The following CYFIP2 variants were observed in gnomAD, a reference collection of about 807,000 sequenced individuals.
The protein encoded by CYFIP2 is cytoplasmic FMR1 interacting protein 2.
A neutral mutation model predicts 158.7 loss-of-function variants in CYFIP2; 29 were observed. That is an observed-to-expected ratio of 0.18 (90% CI 0.14 to 0.25). The LOEUF (loss-of-function observed/expected upper bound fraction) is 0.25. Ranked by LOEUF, CYFIP2 falls within the 10% of genes least tolerant of loss-of-function variation. The probability of loss-of-function intolerance (pLI) is 1.00; values close to 1 mark genes in which losing one functional copy is unlikely to be tolerated. For missense variants in CYFIP2, 852 were observed against 1,639.5 expected (o/e 0.52, Z 8.29); for synonymous variants, 585 against 617.6 (o/e 0.95, Z 0.78).
intron 11 of CYFIP2, among the ~76,000 whole-genome samples, chr5:157,312,393 G>A (rs575875549): frequency 2.0e-5 from 3 of 151,128 alleles, no homozygotes; most frequent in Non-Finnish European, 4.4e-5. Context: ...ATAAGCGAAA[G>A]GAGAGAAAAT....
intron 9 of CYFIP2, 136 bp downstream of exon 9, chr5:157,308,001 T>G (rs1208709671): frequency 1.7e-6 from 1 of 598,782 alleles, no homozygotes; most frequent in African/African-American, 1.9e-5. Context: ...ATCCCAAGAG[T>G]AGGAAGAGGA....
Position 157,356,793 on chromosome 5 carries a change from C to G in CYFIP2, c.2674-2212C>G, listed in dbSNP as rs1350943033. On this transcript the variant is annotated intron_variant, in intron 23 of 30. Transcript: ENST00000620254. ...CCTCAGTCACCTCAACCTAGTAGTC[C>G]TGGCCCCATTTGACAGGGTGGCCTG... Among the ~76,000 whole-genome samples, 3 of 152,208 alleles carry G rather than the reference C, an allele frequency of 2.0e-5. No homozygotes were observed. The East Asian group carries it at 5.8e-4, about 29-fold the overall frequency.
chr5:157,287,458 G>A (rs1261728715), intron 3 of CYFIP2, among the ~76,000 whole-genome samples: 1 of 152,164 alleles, frequency 6.6e-6, no homozygotes, highest in Admixed American at 6.5e-5. Context: ...CTCTTGAGCA[G>A]AGCAAAAGGT....
intron 1 of CYFIP2, among the ~76,000 whole-genome samples, chr5:157,272,594 C>T (rs1217154655): frequency 2.0e-5 from 3 of 152,126 alleles, no homozygotes; most frequent in African/African-American, 7.2e-5. Context: ...TGCTGTTTCT[C>T]GATTTATCTA....
In CYFIP2 at chr5:157,339,074, G is replaced by A. The variant is rs1762063737; in HGVS notation, c.2403G>A (p.Leu801=). 6.8e-6 allele frequency: 11 copies of A among 1,611,614 alleles called. No individual in the cohort carries two copies. Among genetic ancestry groups the A allele is most frequent in the African/African-American group, 1.3e-5 (1 of 74,990 alleles). The stretch of plus-strand genomic sequence containing the variant: ...CTGTACAGGAGCTGGAGTGGCTGCT[G>A]GAGATTAACCGGCTCACGCATCGGC... ...LTSIVELEWL[L]EINRLTHRLL... is the part of the protein sequence containing the mutation. Residue 801 remains leucine (L), a synonymous_variant, in exon 22 of 31, where the codon CTG becomes CTA. Transcript: ENST00000620254.
intron 7 of CYFIP2, 163 bp downstream of exon 7, chr5:157,303,053 C>G (rs1758910358): frequency 3.4e-6 from 2 of 589,978 alleles, no homozygotes; most frequent in Admixed American, 6.5e-5. Context: ...TTAAGTCTGT[C>G]CTCCCAACCC....
At chr5:157,359,258 G>T in intron 24 of CYFIP2, 110 bp downstream of exon 24, 1 of 1,281,716 alleles carries the variant, frequency 7.8e-7, no homozygotes, top group Non-Finnish European at 1.1e-6. Context: ...AGGCACTGCA[G>T]CTCTACCTGT....
intron 6 of CYFIP2, among the ~76,000 whole-genome samples, chr5:157,302,329 C>T (rs559150505): frequency 6.6e-6 from 1 of 152,312 alleles, no homozygotes; most frequent in East Asian, 1.9e-4. Flanking sequence ...TTCTGTTTTC[C>T]ATACAATGCT....
Position 157,361,702 on chromosome 5 carries a change from C to G in CYFIP2, c.3039+104C>G. On this transcript the variant is annotated intron_variant, in intron 26 of 30. Transcript: ENST00000620254. This position sits in a 1 kb window ranked among gnomAD's most constrained non-coding sequence, Gnocchi z 4.4. ...GCAGCATTGATTTGTGCTTTGAGTA[C>G]AAGCTCACATGCTCTTTTCAGTTCA... 7.2e-7 allele frequency: 1 copy of G among 1,391,932 alleles called. No homozygotes were observed. Among genetic ancestry groups the G allele is most frequent in the Non-Finnish European group, 9.9e-7 (1 of 1,013,064 alleles). The allele number at this position is 1,391,932 out of a possible 1,614,324, so 86.2% of individuals were successfully genotyped here.
intron 26 of CYFIP2, among the ~76,000 whole-genome samples, chr5:157,378,619 T>C (rs1765717318): frequency 6.6e-6 from 1 of 152,216 alleles, no homozygotes; most frequent in Non-Finnish European, 1.5e-5. Flanking sequence ...ATGTCAGCCT[T>C]ACTGCTTATT....
intron 28 of CYFIP2, 30 bp downstream of exon 28, chr5:157,383,389 G>A: frequency 6.3e-7 from 1 of 1,588,472 alleles, no homozygotes; most frequent in Non-Finnish European, 8.6e-7. Context: ...AATGGGCTCT[G>A]ATCACTGACA....
intron 23 of CYFIP2, among the ~76,000 whole-genome samples, chr5:157,347,285 T>C (rs1258939862): frequency 1.4e-5 from 2 of 143,542 alleles, no homozygotes; most frequent in Non-Finnish European, 3.0e-5. Context: ...CTGGGTATTA[T>C]AGAAAGACTT....
At chr5:157,292,733 TA>T (rs2113863662) in intron 3 of CYFIP2, among the ~76,000 whole-genome samples, 1 of 152,284 alleles carries the variant, frequency 6.6e-6, no homozygotes, top group African/African-American at 2.4e-5. Flanking sequence ...TGTGTGGACA[TA>T]TGTTTTCAGT....
intron 6 of CYFIP2, among the ~76,000 whole-genome samples, chr5:157,301,340 T>G (rs1276486924): frequency 1.3e-5 from 2 of 152,198 alleles, no homozygotes; most frequent in Non-Finnish European, 2.9e-5. Context: ...GATGACAATG[T>G]TAGCCTGAGT....
chr5:157,337,966 G>A (rs185462163), intron 21 of CYFIP2, among the ~76,000 whole-genome samples: 33 of 152,278 alleles, frequency 2.2e-4, no homozygotes, highest in African/African-American at 7.7e-4. Flanking sequence ...AACCTTCAGG[G>A]CCTCAATTTC....
intron 23 of CYFIP2, among the ~76,000 whole-genome samples, chr5:157,344,529 C>T (rs1178629032): frequency 6.6e-6 from 1 of 152,178 alleles, no homozygotes; most frequent in Non-Finnish European, 1.5e-5. Flanking sequence ...GCTGTTTTTC[C>T]AGACAAATCA....
chr5:157,377,006 C>T (rs375220529), intron 26 of CYFIP2: 10 of 400,436 alleles, frequency 2.5e-5, no homozygotes, highest in African/African-American at 2.1e-5. Flanking sequence ...GTGCCCTGGG[C>T]AGGGGTCCTT....
At chr5:157,285,985 G>A (rs561803225) in intron 2 of CYFIP2, among the ~76,000 whole-genome samples, 8 of 152,280 alleles carry the variant, frequency 5.3e-5, no homozygotes, top group African/African-American at 1.4e-4. Context: ...GCCGGGAGTC[G>A]GTATAGCCCC....
intron 8 of CYFIP2, among the ~76,000 whole-genome samples, chr5:157,306,911 C>T (rs890933531): frequency 2.0e-5 from 3 of 150,406 alleles, no homozygotes; most frequent in Admixed American, 6.6e-5. Flanking sequence ...AAAAAAAAAC[C>T]GGAAATGCAC....
Sources: allele counts gnomAD v4.1 joint callset (sites outside exome capture counted in the v4.1 genomes callset), GRCh38; gene constraint gnomAD v4.1.1; non-coding constraint Gnocchi (gnomAD v3.1); transcripts MANE v1.5; gene names NCBI Gene and HGNC (gene_info 2026-07-23, HGNC 2026-07-21).